The following CABLES1 variants were observed in gnomAD, a reference collection of about 807,000 sequenced individuals.
CABLES1 encodes the protein CDK5 and ABL1 enzyme substrate 1.
A neutral mutation model predicts 57.8 loss-of-function variants in CABLES1; 36 were observed. The ratio of observed to expected loss-of-function variants is 0.62; its 90% CI spans 0.48 to 0.82. The LOEUF is 0.82. Among genes scored for constraint, CABLES1 ranks in the 40% least tolerant of loss-of-function variants. CABLES1 has a pLI of 0.00. For synonymous variants in CABLES1, 374 were observed against 363.0 expected (o/e 1.03, Z -0.35); for missense variants, 767 against 836.6 (o/e 0.92, Z 1.03).
chr18:23,172,642 C>T (rs914812856), intron 1 of CABLES1, among the ~76,000 whole-genome samples: 3 of 152,204 alleles, frequency 2.0e-5, no homozygotes, highest in Non-Finnish European at 4.4e-5. Flanking sequence ...AGGGTCCATT[C>T]AGACCTCTGA....
chr18:23,257,160 G>A (rs2048188090), intron 9 of CABLES1, 67 bp from the exon 10 acceptor site: 2 of 1,561,378 alleles, frequency 1.3e-6, no homozygotes, highest in Non-Finnish European at 1.7e-6. Context: ...TAGAGAAGCT[G>A]CAATTGCAGA....
chr18:23,243,818 G>T (rs1305927946), intron 7 of CABLES1, among the ~76,000 whole-genome samples: 2 of 148,574 alleles, frequency 1.3e-5, no homozygotes, highest in Non-Finnish European at 3.0e-5. Context: ...GTTGCAGTGA[G>T]CCGAGATCAC....
chr18:23,166,764 G>C (rs8094261), intron 1 of CABLES1, among the ~76,000 whole-genome samples: 119,076 of 152,084 alleles, frequency 0.78, 46,860 homozygotes, highest in Middle Eastern at 0.87. Flanking sequence ...TATCAGTGTC[G>C]TTTCTTCACT....
chr18:23,219,804 A>C (rs1478847237), intron 4 of CABLES1, among the ~76,000 whole-genome samples: 1 of 152,250 alleles, frequency 6.6e-6, no homozygotes, highest in Non-Finnish European at 1.5e-5. Context: ...TGTGTTGAAC[A>C]AGGAATTTAT....
chr18:23,188,769 AT>A (rs2047220719), intron 1 of CABLES1, 68 bp from the exon 2 acceptor site: 1 of 1,122,440 alleles, frequency 8.9e-7, no homozygotes, highest in Non-Finnish European at 1.4e-6. Flanking sequence ...GTAGTTTTAG[AT>A]TTGCACAAAT....
chr18:23,248,538 T>A (rs200992672), intron 7 of CABLES1, among the ~76,000 whole-genome samples: 2,024 of 93,492 alleles, frequency 0.022, 19 homozygotes, highest in South Asian at 0.033. Context: ...TTTTTTTTTT[T>A]AAAAAAAGGC....
At chr18:23,180,100 T>A (rs1348641118) in intron 1 of CABLES1, among the ~76,000 whole-genome samples, 1 of 152,014 alleles carries the variant, frequency 6.6e-6, no homozygotes, top group Non-Finnish European at 1.5e-5. Context: ...TTTTTTAATT[T>A]TTAGTAGAGA....
chr18:23,144,242 T>C (rs550379448), intron 1 of CABLES1, among the ~76,000 whole-genome samples: 3 of 152,346 alleles, frequency 2.0e-5, no homozygotes, highest in African/African-American at 7.2e-5. Context: ...CTTGATGGAT[T>C]GCCCTGGGGC....
At chr18:23,223,741 C>T (rs961822514) in intron 4 of CABLES1, among the ~76,000 whole-genome samples, 2 of 152,066 alleles carry the variant, frequency 1.3e-5, no homozygotes, top group African/African-American at 4.8e-5. Flanking sequence ...CGCACTCATC[C>T]ACACACAATC....
chr18:23,237,632 C>T (rs2047636015), intron 7 of CABLES1, among the ~76,000 whole-genome samples: 1 of 152,246 alleles, frequency 6.6e-6, no homozygotes, highest in African/African-American at 2.4e-5. Context: ...CCTTCGTGTG[C>T]ATGCTGAGCA....
intron 1 of CABLES1, among the ~76,000 whole-genome samples, chr18:23,140,486 G>T (rs1200969459): frequency 7.9e-5 from 12 of 150,982 alleles, no homozygotes; most frequent in Non-Finnish European, 1.5e-4. Context: ...ACCTAGGCTG[G>T]AGTGCAGTGG....
intron 4 of CABLES1, among the ~76,000 whole-genome samples, chr18:23,230,539 G>A (rs2047560050): frequency 6.6e-6 from 1 of 152,196 alleles, no homozygotes; most frequent in Non-Finnish European, 1.5e-5. Context: ...CTGAATCTGA[G>A]GGAGGAAAAG....
At chr18:23,209,011 A>T (rs1184249611) in intron 3 of CABLES1, among the ~76,000 whole-genome samples, 2 of 152,220 alleles carry the variant, frequency 1.3e-5, no homozygotes, top group Non-Finnish European at 2.9e-5. Context: ...GTAGGACCTC[A>T]TCCTTACTTG....
At chr18:23,226,737 C>T (rs1029845453) in intron 4 of CABLES1, among the ~76,000 whole-genome samples, 11 of 152,110 alleles carry the variant, frequency 7.2e-5, no homozygotes, top group Non-Finnish European at 1.2e-4. Context: ...ATAAGGGAAC[C>T]GACACCAGCC....
chr18:23,166,582 A>C (rs770796812), intron 1 of CABLES1, among the ~76,000 whole-genome samples: 2 of 152,230 alleles, frequency 1.3e-5, no homozygotes, highest in African/African-American at 2.4e-5. Context: ...AGGAAAAATA[A>C]CAGAGAAATT....
At chr18:23,235,364 G>A (rs2047596745) in intron 5 of CABLES1, among the ~76,000 whole-genome samples, 1 of 151,862 alleles carries the variant, frequency 6.6e-6, no homozygotes, top group Admixed American at 6.6e-5. Context: ...TGAGATGCTC[G>A]CCTGGGCAGG....
chr18:23,134,591 C>T (rs2046803685), upstream of CABLES1: 1 of 152,164 alleles, frequency 6.6e-6, no homozygotes, highest in Non-Finnish European at 1.5e-5. Flanking sequence ...GACAGGGTAA[C>T]TGTCCACATT....
chr18:23,240,070 A>G (rs1249317399), intron 7 of CABLES1, among the ~76,000 whole-genome samples: 3 of 152,186 alleles, frequency 2.0e-5, no homozygotes, highest in Admixed American at 1.3e-4. Context: ...GTGAGCTGAG[A>G]TTGTGCCACT....
chr18:23,251,891 AC>A (rs1164810362), intron 7 of CABLES1, among the ~76,000 whole-genome samples: 5 of 152,020 alleles, frequency 3.3e-5, no homozygotes, highest in African/African-American at 1.2e-4. Context: ...TTCGAGACCA[AC>A]CTGGCCAACA....
Sources: gnomAD v4.1 joint callset for allele counts (sites outside exome capture counted in the v4.1 genomes callset) on GRCh38, gnomAD v4.1.1 for gene constraint, MANE v1.5 for transcripts, NCBI Gene and HGNC (gene_info 2026-07-23, HGNC 2026-07-21) for gene names.